The following SV2B variants were observed in gnomAD, a reference collection of about 807,000 sequenced individuals.
The protein encoded by SV2B is synaptic vesicle glycoprotein 2B, also known as solute carrier family 22 member B2.
In SV2B, 41 loss-of-function variants were observed where a neutral mutation model predicts 73.9. The ratio of observed to expected loss-of-function variants is 0.56; its 90% CI spans 0.43 to 0.72. The LOEUF (loss-of-function observed/expected upper bound fraction) is 0.72. Among genes scored for constraint, SV2B ranks in the 30% least tolerant of loss-of-function variants. The probability of loss-of-function intolerance (pLI) is 0.00; values close to 1 mark genes in which losing one functional copy is unlikely to be tolerated. For synonymous variants in SV2B, 314 were observed against 314.2 expected (o/e 1.00, Z 0.01); for missense variants, 764 against 857.8 (o/e 0.89, Z 1.37).
rs2046960972 is a variant in SV2B, at chr15:91,240,386, G to C, written c.452-11433G>C. 6.6e-6 allele frequency among the ~76,000 whole-genome samples: 1 copy of C among 152,108 alleles called. No homozygotes were observed. The highest frequency in any genetic ancestry group is 1.5e-5 in the Non-Finnish European group (1 of 68,016). ...GTAAGGATCCAGTAAATATGAGCTGGTATTTGTATATTTTTAACTTTTCAC... is the reference window on the plus strand; with the variant it reads ...GTAAGGATCCAGTAAATATGAGCTGCTATTTGTATATTTTTAACTTTTCAC... On this transcript the variant is annotated intron_variant, in intron 2 of 12. Coordinates refer to ENST00000394232, the MANE Select transcript of SV2B (RefSeq NM_001323032.3). This position sits in a 1 kb window ranked among gnomAD's most constrained non-coding sequence, Gnocchi z 4.6.
rs140870303 is a variant in SV2B, at chr15:91,267,620, G to A, written c.1185G>A (p.Val395=). The A allele has an allele frequency of 3.7e-6, 6 of 1,612,760 alleles. No homozygotes were observed. Among genetic ancestry groups the A allele is most frequent in the East Asian group, 2.2e-5 (1 of 44,868 alleles). ...PYRMNTLILA[V]VWFAMAFSYY... is the part of the protein sequence containing the mutation. The stretch of plus-strand genomic sequence containing the variant: ...GAATGAATACACTGATTCTGGCCGT[G>A]GTTTGGTTTGCCATGGCATTCAGGT... Residue 395 remains valine (V), a synonymous_variant, in exon 8 of 13, where the codon GTG becomes GTA. Coordinates refer to ENST00000394232, the MANE Select transcript of SV2B (RefSeq NM_001323032.3). The surrounding 1 kb of genome is among the most constrained non-coding windows in gnomAD (Gnocchi z 4.3).
Position 91,290,213 on chromosome 15 carries a change from T to C in SV2B, c.1868+533T>C, listed in dbSNP as rs182912707. On this transcript the variant is annotated intron_variant, in intron 12 of 12. Coordinates refer to ENST00000394232, the MANE Select transcript of SV2B (RefSeq NM_001323032.3). The surrounding 1 kb of genome is among the most constrained non-coding windows in gnomAD (Gnocchi z 4.7). ...GGCCATTACTTAGTAATTGTTTTTC[T>C]TCGTGGAGGGGAATTGTAAAGTTTA... Among the ~76,000 whole-genome samples, 1 of 152,280 alleles carries C rather than the reference T, an allele frequency of 6.6e-6. No homozygotes were observed. Among genetic ancestry groups the C allele is most frequent in the African/African-American group, 2.4e-5 (1 of 41,562 alleles).
intron 1 of SV2B, among the ~76,000 whole-genome samples, chr15:91,211,203 G>A (rs2045845821): frequency 6.6e-6 from 1 of 152,222 alleles, no homozygotes; most frequent in African/African-American, 2.4e-5. Flanking sequence ...TGAGAGCTGT[G>A]CTAAGGCAGT....
In SV2B at chr15:91,259,597, AG is replaced by A. The variant is rs1271459017; in HGVS notation, c.919-722del. Among the ~76,000 whole-genome samples, 4 of 152,346 alleles carry A rather than the reference AG, an allele frequency of 2.6e-5. No homozygotes were observed. In the East Asian group the frequency reaches 7.7e-4, roughly 29 times the overall value. On this transcript the variant is annotated intron_variant, in intron 5 of 12. Transcript: ENST00000394232. ...TTATCTCACAGTTTCAGAGGCTTGAAGTCCCAAATCAAAGCAGCAGCAAGGT... is the reference window on the plus strand; with the variant it reads ...TTATCTCACAGTTTCAGAGGCTTGAATCCCAAATCAAAGCAGCAGCAAGGT...
At chr15:91,144,981 T>C (rs2043104740) in intron 1 of SV2B, among the ~76,000 whole-genome samples, 1 of 152,212 alleles carries the variant, frequency 6.6e-6, no homozygotes, top group African/African-American at 2.4e-5. Flanking sequence ...CAAATTCTTT[T>C]TTTAAATTTA....
At chr15:91,207,688 T>C (rs73507035) in intron 1 of SV2B, among the ~76,000 whole-genome samples, 5,675 of 152,310 alleles carry the variant, frequency 0.037, 284 homozygotes, top group East Asian at 0.12. Context: ...GTAAGTTTTA[T>C]GTGACACAGG....
rs932564901 is a variant in SV2B, at chr15:91,118,312, G to A, written c.-392+17949G>A. Among the ~76,000 whole-genome samples, 11 of 152,178 alleles carry A rather than the reference G, an allele frequency of 7.2e-5. No homozygotes were observed. The highest frequency in any genetic ancestry group is 1.5e-5 in the Non-Finnish European group (1 of 68,026). ...GTTTGATGTGTGCCCTGGAGTTTGGGGCATAGAAGACATAGAGCCTGGTGC... is the reference window on the plus strand; with the variant it reads ...GTTTGATGTGTGCCCTGGAGTTTGGAGCATAGAAGACATAGAGCCTGGTGC... On this transcript the variant is annotated intron_variant, in intron 1 of 12. Transcript: ENST00000394232. This position sits in a 1 kb window ranked among gnomAD's most constrained non-coding sequence, Gnocchi z 4.7.
rs1418506366 is a variant in SV2B at position 91,227,794 on chromosome 15, C to G, written c.451+1080C>G. Among the ~76,000 whole-genome samples the G allele has an allele frequency of 6.6e-6, 1 of 152,196 alleles. No homozygotes were observed. The highest frequency in any genetic ancestry group is 2.4e-5 in the African/African-American group (1 of 41,444). On this transcript the variant is annotated intron_variant, in intron 2 of 12. Coordinates refer to ENST00000394232, the MANE Select transcript of SV2B (RefSeq NM_001323032.3). The surrounding 1 kb of genome is among the most constrained non-coding windows in gnomAD (Gnocchi z 4.5). The stretch of plus-strand genomic sequence containing the variant: ...GAGAATTATTTGGTTACTGTAGGGA[C>G]AGTCTCTATGAAATACCTGGTGCGA...
intron 1 of SV2B, among the ~76,000 whole-genome samples, chr15:91,216,585 G>A (rs2046033829): frequency 6.6e-6 from 1 of 151,542 alleles, no homozygotes; most frequent in Non-Finnish European, 1.5e-5. Context: ...TGATTCTCCT[G>A]CCTCAGCCTC....
Position 91,296,153 on chromosome 15 carries a change from AG to A in SV2B, c.*3604del, listed in dbSNP as rs922577560. 5.3e-5 allele frequency: 8 copies of A among 152,064 alleles called. No homozygotes were observed. Among genetic ancestry groups the A allele is most frequent in the Admixed American group, 3.3e-4 (5 of 15,276 alleles). 9.4% of individuals were successfully genotyped at this position (152,064 alleles called of 1,614,324 possible). A position where few individuals can be genotyped will look rare whatever the true frequency, so the allele number is the denominator to read the frequency against. ...TTTTTACCTAATCAGTTTTACAGAA[AG>A]GGTTACATGGAAGAAGAGATAGGGG... On this transcript the variant is annotated 3_prime_UTR_variant, in exon 13 of 13. Transcript: ENST00000394232.
rs1284531502 is a variant in SV2B, at chr15:91,284,731, T to C, written c.1708+510T>C. 6.6e-6 allele frequency among the ~76,000 whole-genome samples: 1 copy of C among 152,244 alleles called. No individual in the cohort carries two copies. Among genetic ancestry groups the C allele is most frequent in the African/African-American group, 2.4e-5 (1 of 41,470 alleles). ...TTTACTTCTCTGGGCCTCAGTTTCC[T>C]TATTTATAAGAGAATGATTTTCCAC... On this transcript the variant is annotated intron_variant, in intron 11 of 12. Coordinates refer to ENST00000394232, the MANE Select transcript of SV2B (RefSeq NM_001323032.3). This position sits in a 1 kb window ranked among gnomAD's most constrained non-coding sequence, Gnocchi z 4.5.
chr15:91,191,440 A>G lies in SV2B; in HGVS notation c.-391-34433A>G, dbSNP rs143390017. On this transcript the variant is annotated intron_variant, in intron 1 of 12. Transcript: ENST00000394232. ...ATCCCCCCCACCTTCATATCGAAGT[A>G]CTTGCCTAACCTTTAGCAAGAATCT... 5.3e-3 allele frequency among the ~76,000 whole-genome samples: 812 copies of G among 152,202 alleles called. 7 individuals are homozygous for G. Among genetic ancestry groups the G allele is most frequent in the African/African-American group, 0.017 (696 of 41,534 alleles).
chr15:91,179,378 G>T (rs2044457641), intron 1 of SV2B, among the ~76,000 whole-genome samples: 1 of 152,148 alleles, frequency 6.6e-6, no homozygotes, highest in Non-Finnish European at 1.5e-5. Flanking sequence ...TGTTGATTTG[G>T]GGTGGAGAGT....
At position 91,296,741 on chromosome 15, in the gene SV2B, GCACA is replaced by G; in HGVS notation, c.*4191_*4194del. 1.3e-5 allele frequency: 2 copies of G among 153,688 alleles called. No homozygotes were observed. The highest frequency in any genetic ancestry group is 4.9e-5 in the African/African-American group (2 of 41,140). 9.5% of individuals were successfully genotyped at this position (153,688 alleles called of 1,614,324 possible). A position where few individuals can be genotyped will look rare whatever the true frequency, so the allele number is the denominator to read the frequency against. ...ACACGCTCCTTCTGCCCGATCATGGGCACACGCTCCTTCTGCCCGATCGTTGGGA... is the reference window on the plus strand; with the variant it reads ...ACACGCTCCTTCTGCCCGATCATGGGCGCTCCTTCTGCCCGATCGTTGGGA... On this transcript the variant is annotated 3_prime_UTR_variant, in exon 13 of 13. Transcript: ENST00000394232.
intron 1 of SV2B, among the ~76,000 whole-genome samples, chr15:91,126,737 A>G (rs1391171125): frequency 6.6e-6 from 1 of 152,250 alleles, no homozygotes; most frequent in African/African-American, 2.4e-5. Flanking sequence ...TACCACATTA[A>G]TGGAATAAAA....
chr15:91,276,240 A>T (rs2048483048), intron 9 of SV2B, among the ~76,000 whole-genome samples: 1 of 151,580 alleles, frequency 6.6e-6, no homozygotes. Flanking sequence ...TTTGATATTC[A>T]GCTATTTGAA....
At chr15:91,158,090 A>G (rs2043551791) in intron 1 of SV2B, among the ~76,000 whole-genome samples, 1 of 152,096 alleles carries the variant, frequency 6.6e-6, no homozygotes, top group African/African-American at 2.4e-5. Context: ...TGTGGTTTGG[A>G]TATGGTTCGT....
intron 4 of SV2B, among the ~76,000 whole-genome samples, chr15:91,256,722 G>A (rs2047706064): frequency 6.6e-6 from 1 of 152,232 alleles, no homozygotes; most frequent in African/African-American, 2.4e-5. Flanking sequence ...TGAGGTTTGT[G>A]TTCAGTTGCT....
intron 1 of SV2B, among the ~76,000 whole-genome samples, chr15:91,171,528 C>T (rs2044122529): frequency 6.6e-6 from 1 of 152,124 alleles, no homozygotes; most frequent in African/African-American, 2.4e-5. Context: ...TTTATGCTCC[C>T]CTGGTCTATT....
Sources: gnomAD v4.1 joint callset for allele counts (sites outside exome capture counted in the v4.1 genomes callset) on GRCh38, gnomAD v4.1.1 for gene constraint, Gnocchi (gnomAD v3.1) non-coding constraint, MANE v1.5 for transcripts, NCBI Gene and HGNC (gene_info 2026-07-23, HGNC 2026-07-21) for gene names.